Variants in STK3 observed in about 807,000 individuals in gnomAD.
STK3 encodes serine/threonine kinase 3, also known as serine/threonine-protein kinase 3.
A neutral mutation model predicts 58.0 loss-of-function variants in STK3; 41 were observed. The ratio of observed to expected loss-of-function variants is 0.71; its 90% confidence interval spans 0.55 to 0.92. STK3 has a LOEUF of 0.92. STK3 is among the 40% of genes least tolerant of loss of function. The pLI is 0.00. For missense variants in STK3, 479 were observed against 602.7 expected (o/e 0.79, Z 2.15); for synonymous variants, 170 against 191.0 (o/e 0.89, Z 0.91).
intron 10 of STK3, among the ~76,000 whole-genome samples, chr8:98,521,909 A>C (rs1825393019): frequency 6.6e-6 from 1 of 152,154 alleles, no homozygotes; most frequent in African/African-American, 2.4e-5. Context: ...ATTCAAAACC[A>C]CATGGCAATG....
At chr8:98,413,438 C>T in intron 3 of STK3, 1 of 576,260 alleles carries the variant, frequency 1.7e-6, no homozygotes, top group Non-Finnish European at 3.4e-6. Flanking sequence ...TCCTGGGGTC[C>T]AGAGTCTTGT....
At chr8:98,819,475 G>A (rs1000979509) in intron 1 of STK3, among the ~76,000 whole-genome samples, 11 of 152,068 alleles carry the variant, frequency 7.2e-5, no homozygotes, top group Admixed American at 2.0e-4. Flanking sequence ...CCATCAGCAC[G>A]GCCTAAAGCA....
intron 6 of STK3, among the ~76,000 whole-genome samples, chr8:98,616,750 A>C (rs1400835548): frequency 6.6e-6 from 1 of 151,860 alleles, no homozygotes; most frequent in Non-Finnish European, 1.5e-5. Context: ...TCAATTCAAC[A>C]AGAAGAGCTA....
At chr8:98,904,921 T>C in intron 1 of STK3, 1 of 702,034 alleles carries the variant, frequency 1.4e-6, no homozygotes, top group Non-Finnish European at 2.7e-6. Flanking sequence ...AGATGGGACA[T>C]GGTCTGCTCT....
chr8:98,678,611 T>A (rs1455201464), intron 6 of STK3, among the ~76,000 whole-genome samples: 2 of 152,058 alleles, frequency 1.3e-5, no homozygotes, highest in African/African-American at 4.8e-5. Context: ...GCTCAAAAAC[T>A]TAAGGATATG....
chr8:98,720,897 T>C (rs540668045), intron 4 of STK3, among the ~76,000 whole-genome samples: 3 of 152,012 alleles, frequency 2.0e-5, no homozygotes, highest in South Asian at 4.1e-4. Context: ...CTACCAGTGG[T>C]AAACAACAGT....
intron 3 of STK3, among the ~76,000 whole-genome samples, chr8:98,853,843 T>C (rs1452450706): frequency 6.6e-6 from 1 of 152,254 alleles, no homozygotes; most frequent in East Asian, 1.9e-4. Flanking sequence ...AATTAGTTTG[T>C]AATTTTTTAT....
intron 3 of STK3, among the ~76,000 whole-genome samples, chr8:98,874,720 G>T (rs1837503218): frequency 6.6e-6 from 1 of 151,866 alleles, no homozygotes; most frequent in African/African-American, 2.4e-5. Context: ...TTGAACTCCT[G>T]GTCTCAAGCA....
At chr8:98,840,372 G>C (rs1404441144) in intron 3 of STK3, among the ~76,000 whole-genome samples, 2 of 118,872 alleles carry the variant, frequency 1.7e-5, no homozygotes, top group East Asian at 4.9e-4. Context: ...AAAAAAAAAA[G>C]ACCAGCCTCG....
At position 98,706,755 on chromosome 8, in the gene STK3, T is replaced by G; in HGVS notation, c.517-121A>C. ...GCCACAGATTATATCAGAAATTGAC[T>G]ATTTTGCTAAAATTTCAACTAGTTA... On this transcript the variant is annotated intron_variant, in intron 5 of 10. Coordinates refer to ENST00000419617, the MANE Select transcript of STK3 (RefSeq NM_006281.4). 2.5e-6 allele frequency: 3 copies of G among 1,179,380 alleles called. No homozygotes were observed. The South Asian group carries it at 5.7e-5, about 22-fold the overall frequency. The allele number at this position is 1,179,380 out of a possible 1,614,324, so 73.1% of individuals were successfully genotyped here.
At chr8:98,374,507 T>C (rs975713771) in intron 2 of STK3, among the ~76,000 whole-genome samples, 11 of 152,240 alleles carry the variant, frequency 7.2e-5, no homozygotes, top group African/African-American at 2.7e-4. Context: ...GGCAGTAGCT[T>C]AGCCCTGCAC....
At chr8:98,375,421 T>C (rs947675134) in intron 2 of STK3, among the ~76,000 whole-genome samples, 1 of 152,168 alleles carries the variant, frequency 6.6e-6, no homozygotes, top group African/African-American at 2.4e-5. Context: ...TCCAAATTAT[T>C]TAAAAACTGA....
the STK3 span, among the ~76,000 whole-genome samples, chr8:98,350,720 C>T: frequency 6.6e-6 from 1 of 152,158 alleles, no homozygotes; most frequent in African/African-American, 2.4e-5. Flanking sequence ...AGGGATTTCC[C>T]CTTATAAAAT....
At chr8:98,755,302 C>T (rs1407177181) in intron 3 of STK3, among the ~76,000 whole-genome samples, 4 of 152,126 alleles carry the variant, frequency 2.6e-5, no homozygotes, top group Admixed American at 2.6e-4. Flanking sequence ...ACCCTCATAC[C>T]GAATACACTA....
intron 4 of STK3, among the ~76,000 whole-genome samples, chr8:98,710,762 G>A (rs543327901): frequency 6.6e-6 from 1 of 152,336 alleles, no homozygotes; most frequent in South Asian, 2.1e-4. Context: ...AGACTTAAAT[G>A]TCCCTGTCTG....
chr8:98,923,288 T>A (rs1217377767), intron 1 of STK3, among the ~76,000 whole-genome samples: 1 of 152,228 alleles, frequency 6.6e-6, no homozygotes, highest in East Asian at 1.9e-4. Context: ...ATAATAAAGT[T>A]TCTTTTTTCC....
chr8:98,811,551 A>G (rs992943824), intron 1 of STK3, among the ~76,000 whole-genome samples: 1 of 151,970 alleles, frequency 6.6e-6, no homozygotes, highest in Non-Finnish European at 1.5e-5. Context: ...AAAAGAAAAA[A>G]AAAAAAAACC....
At chr8:98,759,430 GCA>G (rs1206571758) in intron 3 of STK3, among the ~76,000 whole-genome samples, 1 of 152,166 alleles carries the variant, frequency 6.6e-6, no homozygotes, top group African/African-American at 2.4e-5. Flanking sequence ...TTACAAAGGT[GCA>G]GTTCGTGGCA....
intron 4 of STK3, among the ~76,000 whole-genome samples, chr8:98,730,970 T>C (rs1345982695): frequency 6.6e-6 from 1 of 152,112 alleles, no homozygotes; most frequent in Admixed American, 6.6e-5. Context: ...CACTATACAA[T>C]TGTGCCAAGA....
Sources: gnomAD v4.1 joint callset for allele counts (sites outside exome capture counted in the v4.1 genomes callset) on GRCh38, gnomAD v4.1.1 for gene constraint, MANE v1.5 for transcripts, NCBI Gene and HGNC (gene_info 2026-07-23, HGNC 2026-07-21) for gene names.